Variants in SEC63 observed in about 807,000 individuals in gnomAD.
SEC63 encodes SEC63 protein translocation regulator, also known as translocation protein SEC63 homolog.
SEC63 carries 56 observed loss-of-function variants against 116.2 expected under a neutral mutation model. The observed-to-expected ratio is 0.48, with a 90% CI of 0.39 to 0.60. SEC63 has a LOEUF of 0.60. Among genes scored for constraint, SEC63 ranks in the 20% least tolerant of loss-of-function variants. The pLI is 0.00. For missense variants in SEC63, 668 were observed against 900.0 expected, an observed-to-expected ratio of 0.74 and a Z score of 3.30; for synonymous variants, 273 against 294.6, an observed-to-expected ratio of 0.93 and a Z score of 0.75.
At chr6:107,879,087 T>C (rs1303935212) in intron 18 of SEC63, among the ~76,000 whole-genome samples, 2 of 152,216 alleles carry the variant, frequency 1.3e-5, no homozygotes, top group Non-Finnish European at 2.9e-5. Flanking sequence ...AGTTTGGTAG[T>C]TAGGTTACTT....
In SEC63 at chr6:107,958,175, C is replaced by G. The variant is rs1770757111; in HGVS notation, c.-166G>C. On this transcript the variant is annotated 5_prime_UTR_variant, in exon 1 of 21. Transcript: ENST00000369002. ...CACGGACACGCCGCCGCCACCTCTG[C>G]CGCTGCCGCCGCCGTCGCCAGCTCT... The G allele has an allele frequency of 1.9e-6, 2 of 1,031,694 alleles. No individual in the cohort carries two copies. The highest frequency in any genetic ancestry group is 1.4e-5 in the South Asian group (1 of 69,260). 63.9% of individuals were successfully genotyped at this position (1,031,694 alleles called of 1,614,324 possible).
chr6:107,951,309 T>C (rs1321132294), intron 1 of SEC63, among the ~76,000 whole-genome samples: 2 of 152,218 alleles, frequency 1.3e-5, no homozygotes, highest in Admixed American at 6.5e-5. Flanking sequence ...AAGCCATTAA[T>C]AGACAACTAT....
chr6:107,925,907 T>C (rs1046320952), intron 2 of SEC63, among the ~76,000 whole-genome samples: 5 of 152,228 alleles, frequency 3.3e-5, no homozygotes, highest in Non-Finnish European at 7.3e-5. Context: ...TGGAGTGCAA[T>C]GGCACGATCT....
chr6:107,906,437 A>T lies in SEC63; in HGVS notation c.961+11T>A. Reference sequence around the variant, plus strand: ...CCACTAAACCTCTGTAGATACCGGAATCACAAATACCTTCTTCAAGGGTCT... The same window carrying T: ...CCACTAAACCTCTGTAGATACCGGATTCACAAATACCTTCTTCAAGGGTCT... On this transcript the variant is annotated intron_variant, in intron 10 of 20. Transcript: ENST00000369002. 6.2e-7 allele frequency: 1 copy of T among 1,614,048 alleles called. No individual in the cohort carries two copies. Among genetic ancestry groups the T allele is most frequent in the Non-Finnish European group, 8.5e-7 (1 of 1,179,920 alleles).
intron 1 of SEC63, among the ~76,000 whole-genome samples, chr6:107,941,710 AGAAG>A (rs2114507304): frequency 6.6e-6 from 1 of 152,342 alleles, no homozygotes; most frequent in Admixed American, 6.5e-5. Flanking sequence ...AGCTCTGTGA[AGAAG>A]GAAGCTCCAG....
Position 107,871,461 on chromosome 6 carries a change from T to C in SEC63, c.*243A>G. The C allele has an allele frequency of 1.9e-6, 1 of 518,526 alleles. No individual in the cohort carries two copies. The highest frequency in any genetic ancestry group is 2.0e-5 in the South Asian group (1 of 49,676). 32.1% of individuals were successfully genotyped at this position (518,526 alleles called of 1,614,324 possible). ...GACAGTTATAATAACAAAGGATTTA[T>C]TATCATTTGCAGATGAAATAAATGT... On this transcript the variant is annotated 3_prime_UTR_variant, in exon 21 of 21. Coordinates refer to ENST00000369002, the MANE Select transcript of SEC63 (RefSeq NM_007214.5).
intron 1 of SEC63, chr6:107,955,820 C>T: frequency 5.8e-6 from 1 of 172,184 alleles, no homozygotes. Flanking sequence ...CAGGTGGAGG[C>T]TGCAATGAGT....
At chr6:107,891,977 G>C (rs1786693484) in intron 16 of SEC63, among the ~76,000 whole-genome samples, 1 of 152,210 alleles carries the variant, frequency 6.6e-6, no homozygotes, top group Admixed American at 6.5e-5. Flanking sequence ...GAGCTCTCCT[G>C]TATGAGCTGT....
intron 13 of SEC63, 44 bp from the exon 14 acceptor site, chr6:107,897,775 G>T (rs1786896221): frequency 7.4e-7 from 1 of 1,349,678 alleles, no homozygotes; most frequent in East Asian, 2.3e-5. Flanking sequence ...TAAAAATCAA[G>T]TTCTATGTTA....
At chr6:107,933,523 C>T (rs941703398) in intron 1 of SEC63, among the ~76,000 whole-genome samples, 2 of 152,306 alleles carry the variant, frequency 1.3e-5, no homozygotes, top group East Asian at 1.9e-4. Flanking sequence ...CCAAGATACA[C>T]AACCTGACTC....
At chr6:107,944,867 G>A (rs1033724436) in intron 1 of SEC63, among the ~76,000 whole-genome samples, 1 of 152,070 alleles carries the variant, frequency 6.6e-6, no homozygotes, top group Admixed American at 6.6e-5. Flanking sequence ...TACCTGTACG[G>A]TCAAACAGTG....
At position 107,883,106 on chromosome 6, in the gene SEC63, T is replaced by C. The variant is rs747176056; in HGVS notation, c.1715A>G (p.Lys572Arg). The C allele has an allele frequency of 5.3e-5, 86 of 1,611,446 alleles. No homozygotes were observed. The highest frequency in any genetic ancestry group is 1.6e-4 in the Middle Eastern group (1 of 6,078). Residue 572 changes from lysine to arginine, a missense_variant, in exon 17 of 21, where the codon AAG (lysine) becomes AGG (arginine). By Grantham distance (26) the Lys-to-Arg change is conservative. Around this residue, in one of 5 missense-constraint regions of SEC63, gnomAD observed 430 missense variants for 557.5 expected, o/e 0.77. Transcript: ENST00000369002. ...VKEDEEEVSDKGSDSEEEETN... is the reference protein window; with the variant it reads ...VKEDEEEVSDRGSDSEEEETN... The stretch of plus-strand genomic sequence containing the variant: ...TTCTTCTTCTTCAGAATCACTGCCC[T>C]TATCTGAAACTTCTTCTTCATCTTC...
intron 17 of SEC63, among the ~76,000 whole-genome samples, chr6:107,882,774 G>C (rs542544348): frequency 2.0e-5 from 3 of 152,036 alleles, no homozygotes; most frequent in South Asian, 4.2e-4. Flanking sequence ...AGAAAACGAG[G>C]ATTTCCAATC....
At chr6:107,892,188 G>A (rs918851434) in intron 16 of SEC63, among the ~76,000 whole-genome samples, 1 of 152,186 alleles carries the variant, frequency 6.6e-6, no homozygotes, top group Non-Finnish European at 1.5e-5. Context: ...CCAGGGAGGT[G>A]GGGTTTTATC....
intron 1 of SEC63, among the ~76,000 whole-genome samples, chr6:107,943,564 T>C (rs1770420184): frequency 6.6e-6 from 1 of 152,224 alleles, no homozygotes; most frequent in African/African-American, 2.4e-5. Context: ...ACCCATGTTG[T>C]TGAAGGGTTC....
intron 3 of SEC63, among the ~76,000 whole-genome samples, chr6:107,922,304 G>C (rs562976311): frequency 9.8e-5 from 15 of 152,298 alleles, no homozygotes; most frequent in South Asian, 8.3e-4. Context: ...AGGAGTTCAA[G>C]ACCAGCTTGG....
At chr6:107,947,551 TAAC>T (rs974739214) in intron 1 of SEC63, among the ~76,000 whole-genome samples, 2 of 151,968 alleles carry the variant, frequency 1.3e-5, no homozygotes, top group African/African-American at 4.8e-5. Context: ...CCAACCTGGG[TAAC>T]AACATGAGAT....
At chr6:107,927,994 G>A (rs546564778) in intron 2 of SEC63, among the ~76,000 whole-genome samples, 3 of 152,160 alleles carry the variant, frequency 2.0e-5, no homozygotes, top group Non-Finnish European at 2.9e-5. Context: ...CTTGGAACCC[G>A]CAGATATGGG....
At position 107,924,873 on chromosome 6, in the gene SEC63, T is replaced by G. The variant is rs997097347; in HGVS notation, c.284A>C (p.Lys95Thr). ...GTATTCTTGGTATTCTCGGTCTGTT[T>G]TGGAAACTTTATATGCAAGGAATAA... is the stretch of plus-strand genomic sequence containing the variant. ...LFLFLAYKVS[K>T]TDREYQEYNP... The change falls in exon 3 of 21, where the codon AAA (lysine) becomes ACA (threonine). Residue 95 changes from lysine (K) to threonine (T), a missense_variant. Coordinates refer to ENST00000369002, the MANE Select transcript of SEC63 (RefSeq NM_007214.5). 1 of 1,607,110 alleles carries G rather than the reference T, an allele frequency of 6.2e-7. No individual in the cohort carries two copies. The highest frequency in any genetic ancestry group is 2.2e-5 in the East Asian group (1 of 44,780).
Sources: allele counts gnomAD v4.1 joint callset (sites outside exome capture counted in the v4.1 genomes callset), GRCh38; gene constraint gnomAD v4.1.1; regional missense constraint gnomAD v4.1.1; transcripts MANE v1.5; gene names NCBI Gene and HGNC (gene_info 2026-07-23, HGNC 2026-07-21).